Variants in ALMS1 observed in about 807,000 individuals in gnomAD.
The protein encoded by ALMS1 is ALMS1 centrosome and basal body associated protein.
Under a neutral mutation model 352.2 loss-of-function variants are expected in ALMS1, and 271 were observed. The observed-to-expected ratio is 0.77, with a 90% CI of 0.70 to 0.85. The LOEUF (loss-of-function observed/expected upper bound fraction) is 0.85. Ranked by LOEUF, ALMS1 falls within the 40% of genes least tolerant of loss-of-function variation. The pLI is 0.00. For missense variants in ALMS1, 5,445 were observed against 4,870.7 expected, an observed-to-expected ratio of 1.12 and a Z score of -3.51; for synonymous variants, 1,865 against 1,761.2, an observed-to-expected ratio of 1.06 and a Z score of -1.48.
chr2:73,528,267 T>C (rs1164858414), intron 11 of ALMS1, among the ~76,000 whole-genome samples: 1 of 152,186 alleles, frequency 6.6e-6, no homozygotes, highest in Non-Finnish European at 1.5e-5. Context: ...GTCCATTCAA[T>C]GTATCTTCGT....
At chr2:73,465,423 C>G (rs1179567727) in intron 9 of ALMS1, among the ~76,000 whole-genome samples, 1 of 152,056 alleles carries the variant, frequency 6.6e-6, no homozygotes, top group Non-Finnish European at 1.5e-5. Context: ...GCTGGGAAAA[C>G]TGGCTAGCCA....
At chr2:73,517,909 C>T (rs973587215) in intron 10 of ALMS1, among the ~76,000 whole-genome samples, 1 of 152,132 alleles carries the variant, frequency 6.6e-6, no homozygotes, top group South Asian at 2.1e-4. Context: ...CCACCCACCT[C>T]AGCCTCCCAA....
intron 16 of ALMS1, among the ~76,000 whole-genome samples, chr2:73,585,551 G>A (rs556019778): frequency 3.1e-4 from 47 of 151,624 alleles, no homozygotes; most frequent in South Asian, 1.7e-3. Context: ...GTGCCACCAC[G>A]TCTGGCTAAT....
chr2:73,450,070 G>A lies in ALMS1; in HGVS notation c.3543G>A (p.Lys1181=). The change falls in exon 8 of 23, where the codon AAG becomes AAA. Residue 1181 remains lysine (K), a synonymous_variant. Coordinates refer to ENST00000613296, the MANE Select transcript of ALMS1 (RefSeq NM_001378454.1). The part of the protein sequence containing the change: ...VSAVTGPGNQ[K]TWIPRVLSTF... ...CTGTTACTGGACCAGGTAACCAGAA[G>A]ACTTGGATACCAAGAGTACTTTCTA... is the stretch of plus-strand genomic sequence containing the variant. 1 of 1,613,904 alleles carries A rather than the reference G, an allele frequency of 6.2e-7. No individual in the cohort carries two copies. The highest frequency in any genetic ancestry group is 8.5e-7 in the Non-Finnish European group (1 of 1,179,940).
At chr2:73,538,312 A>G (rs1271209366) in intron 12 of ALMS1, among the ~76,000 whole-genome samples, 1 of 152,142 alleles carries the variant, frequency 6.6e-6, no homozygotes, top group Non-Finnish European at 1.5e-5. Flanking sequence ...TCTTCTCTAT[A>G]TCATTAATCA....
intron 4 of ALMS1, among the ~76,000 whole-genome samples, chr2:73,423,217 T>C (rs532997231): frequency 1.3e-3 from 198 of 152,326 alleles, no homozygotes; most frequent in Non-Finnish European, 1.1e-3. Flanking sequence ...TATTCAGGCA[T>C]TTCAGGCATA....
chr2:73,557,054 T>A (rs952787042), intron 13 of ALMS1, among the ~76,000 whole-genome samples, 166 bp from the exon 14 acceptor site: 4 of 152,100 alleles, frequency 2.6e-5, no homozygotes, highest in East Asian at 1.9e-4. Flanking sequence ...GTATGAAAAA[T>A]TTTTCAATTC....
chr2:73,513,449 CAA>C (rs1208312513), intron 10 of ALMS1, among the ~76,000 whole-genome samples: 3 of 152,120 alleles, frequency 2.0e-5, no homozygotes, highest in Non-Finnish European at 4.4e-5. Flanking sequence ...GGATTTGACT[CAA>C]GATGTCAGGC....
At chr2:73,561,967 T>C (rs1674672391) in intron 15 of ALMS1, among the ~76,000 whole-genome samples, 1 of 148,068 alleles carries the variant, frequency 6.8e-6, no homozygotes, top group South Asian at 2.1e-4. Flanking sequence ...ATTTAGGGGA[T>C]AGAACAAAAT....
At chr2:73,387,681 T>C (rs1460976307) in intron 1 of ALMS1, among the ~76,000 whole-genome samples, 5 of 152,146 alleles carry the variant, frequency 3.3e-5, no homozygotes, top group South Asian at 2.1e-4. Context: ...GAAGAAAATA[T>C]TTGAAACGAG....
At chr2:73,414,167 C>T (rs1671133531) in intron 2 of ALMS1, among the ~76,000 whole-genome samples, 1 of 152,022 alleles carries the variant, frequency 6.6e-6, no homozygotes, top group Non-Finnish European at 1.5e-5. Context: ...CATGACAGTT[C>T]TCTTAGTTTA....
At chr2:73,565,478 G>A (rs1343047158) in intron 15 of ALMS1, among the ~76,000 whole-genome samples, 1 of 152,178 alleles carries the variant, frequency 6.6e-6, no homozygotes, top group Non-Finnish European at 1.5e-5. Context: ...TGACAAATCT[G>A]TGCAGAATTC....
At chr2:73,569,189 ATTT>A (rs1340486457) in intron 15 of ALMS1, among the ~76,000 whole-genome samples, 1 of 150,872 alleles carries the variant, frequency 6.6e-6, no homozygotes, top group African/African-American at 2.4e-5. Flanking sequence ...TAATTTTTGT[ATTT>A]TTAGTAGAGA....
At chr2:73,560,957 C>G (rs1307570957) in intron 15 of ALMS1, among the ~76,000 whole-genome samples, 1 of 152,188 alleles carries the variant, frequency 6.6e-6, no homozygotes, top group Non-Finnish European at 1.5e-5. Flanking sequence ...GGGCCCAGAA[C>G]AAAGACAGCA....
At position 73,600,845 on chromosome 2, in the gene ALMS1, A is replaced by G. The variant is rs1279737941; in HGVS notation, c.11836A>G (p.Arg3946Gly). 4 of 1,614,092 alleles carry G rather than the reference A, an allele frequency of 2.5e-6. No homozygotes were observed. The highest frequency in any genetic ancestry group is 3.4e-6 in the Non-Finnish European group (4 of 1,180,022). The change falls in exon 18 of 23, where the codon AGA (arginine) becomes GGA (glycine). Residue 3946 changes from arginine to glycine, a missense_variant. By Grantham distance (125) the Arg-to-Gly change is moderately radical (BLOSUM62 -2). Transcript: ENST00000613296. ...GCTCTTTACCGGTTATCCTGAGGAC[A>G]GAAAGTTAAAAAAGAACAAGAAGAA... is the stretch of plus-strand genomic sequence containing the variant. ...KMLFTGYPED[R>G]KLKKNKKNSH...
intron 21 of ALMS1, among the ~76,000 whole-genome samples, chr2:73,606,079 T>A (rs1036522524): frequency 8.5e-5 from 13 of 152,162 alleles, no homozygotes; most frequent in African/African-American, 3.1e-4. Context: ...AACCAGACAT[T>A]AAAGAGTTTT....
chr2:73,395,046 A>ATATATATGTGTGTGTG (rs1558628447), intron 1 of ALMS1, among the ~76,000 whole-genome samples: 15 of 111,500 alleles, frequency 1.3e-4, no homozygotes, highest in African/African-American at 5.1e-4. Context: ...ATGTGTGTGT[A>ATATATATGTGTGTGTG]TATATATATA....
intron 9 of ALMS1, among the ~76,000 whole-genome samples, chr2:73,487,529 C>A (rs1488886719): frequency 6.6e-6 from 1 of 152,172 alleles, no homozygotes; most frequent in East Asian, 1.9e-4. Flanking sequence ...TCAGGGACCC[C>A]CTAGGTCTGG....
rs1418343537 is a variant in ALMS1 at position 73,419,216 on chromosome 2, A to G, written c.544A>G (p.Thr182Ala). Residue 182 changes from threonine (T) to alanine (A), a missense_variant, in exon 3 of 23, where the codon ACT becomes GCT. Transcript: ENST00000613296. ...TAGGTTTAATGTGAGAACGGAAGATACTGAAGTGACAGACTTCCCCTCTCT... is the reference window on the plus strand; with the variant it reads ...TAGGTTTAATGTGAGAACGGAAGATGCTGAAGTGACAGACTTCCCCTCTCT... ...QTRFNVRTED[T>A]EVTDFPSLEE... 8.1e-6 allele frequency: 13 copies of G among 1,613,974 alleles called. No homozygotes were observed. The highest frequency in any genetic ancestry group is 1.1e-5 in the Non-Finnish European group (13 of 1,179,858).
Sources: allele counts gnomAD v4.1 joint callset (sites outside exome capture counted in the v4.1 genomes callset), GRCh38; gene constraint gnomAD v4.1.1; transcripts MANE v1.5; gene names NCBI Gene and HGNC (gene_info 2026-07-23, HGNC 2026-07-21).